Variants in RGS22 observed in about 807,000 individuals in gnomAD.
RGS22 encodes regulator of G protein signaling 22.
In RGS22, 148 loss-of-function variants were observed where a neutral mutation model predicts 172.9. The observed-to-expected ratio is 0.86, with a 90% CI of 0.75 to 0.98. RGS22 has a LOEUF of 0.98. RGS22 is among the 50% of genes least tolerant of loss of function. RGS22 has a pLI of 0.00. For synonymous variants in RGS22, 458 were observed against 480.2 expected (o/e 0.95, Z 0.60); for missense variants, 1,347 against 1,440.8 (o/e 0.93, Z 1.05).
rs138649995 is a variant in RGS22 at position 100,037,659 on chromosome 8, T to C, written c.2166+1272A>G. Among the ~76,000 whole-genome samples, 38 of 152,260 alleles carry C rather than the reference T, an allele frequency of 2.5e-4. No individual in the cohort carries two copies. In the East Asian group the frequency reaches 7.3e-3, roughly 29 times the overall value. ...GAAAATTATTAAGAAAAAAACTCAA[T>C]TGGGCAGCTGAAGATTTTTGGAGGA... On this transcript the variant is annotated intron_variant, in intron 14 of 27. Coordinates refer to ENST00000360863, the MANE Select transcript of RGS22 (RefSeq NM_015668.5).
At position 100,063,659 on chromosome 8, in the gene RGS22, A is replaced by C. The variant is rs758585403; in HGVS notation, c.1109T>G (p.Val370Gly). ...TTCTGACCTCTCCTTTGTAGTTTGAACTAATTCACTTAAAAAATTCTTGCC... is the reference window on the plus strand; with the variant it reads ...TTCTGACCTCTCCTTTGTAGTTTGACCTAATTCACTTAAAAAATTCTTGCC... ...IHGKNFLSEL[V>G]QTTKERSEEI... The change falls in exon 8 of 28, where the codon GTT (valine) becomes GGT (glycine). Residue 370 changes from valine to glycine, a missense_variant. Transcript: ENST00000360863. The C allele has an allele frequency of 9.9e-6, 16 of 1,614,008 alleles. No individual in the cohort carries two copies. Among genetic ancestry groups the C allele is most frequent in the Non-Finnish European group, 1.4e-5 (16 of 1,179,994 alleles).
At chr8:99,978,602 A>G (rs1812227034) in intron 22 of RGS22, among the ~76,000 whole-genome samples, 1 of 152,210 alleles carries the variant, frequency 6.6e-6, no homozygotes, top group Admixed American at 6.5e-5. Context: ...ATAATCTCTT[A>G]CTTTTATGTG....
intron 2 of RGS22, among the ~76,000 whole-genome samples, chr8:100,096,403 T>G (rs1379676210): frequency 6.6e-6 from 1 of 152,218 alleles, no homozygotes; most frequent in Non-Finnish European, 1.5e-5. Context: ...CAGAATTGAA[T>G]GTACTCTTGA....
At chr8:99,981,868 G>T in intron 22 of RGS22, 69 bp downstream of exon 22, 2 of 1,433,006 alleles carry the variant, frequency 1.4e-6, no homozygotes, top group South Asian at 2.8e-5. Context: ...GGCCCAAAAG[G>T]ATATCTATCT....
chr8:100,083,837 T>C (rs1211498318), intron 3 of RGS22, among the ~76,000 whole-genome samples: 8 of 150,798 alleles, frequency 5.3e-5, no homozygotes, highest in East Asian at 3.9e-4. Context: ...TTTCTTTTTT[T>C]TTTTTTTTTT....
At position 100,041,824 on chromosome 8, in the gene RGS22, T is replaced by C. The variant is rs550048664; in HGVS notation, c.1916A>G (p.Tyr639Cys). The C allele has an allele frequency of 5.0e-6, 8 of 1,609,786 alleles. No individual in the cohort carries two copies. The South Asian group carries it at 5.5e-5, about 11-fold the overall frequency. Reference protein sequence around the residue: ...ECLKPQLDRRYAYTEEPRVKT... With the variant: ...ECLKPQLDRRCAYTEEPRVKT... ...CACCCTAGGTTCTTCTGTATAAGCGTATCTTCTATCCAGCTGGGGCTTGAG... is the reference window on the plus strand; with the variant it reads ...CACCCTAGGTTCTTCTGTATAAGCGCATCTTCTATCCAGCTGGGGCTTGAG... The change falls in exon 12 of 28, where the codon TAC (tyrosine) becomes TGC (cysteine). Residue 639 changes from tyrosine to cysteine, a missense_variant. Tyr to Cys is a radical substitution (Grantham distance 194). Transcript: ENST00000360863.
intron 18 of RGS22, among the ~76,000 whole-genome samples, chr8:100,001,236 A>ATT (rs11299479): frequency 3.9e-5 from 5 of 128,674 alleles, no homozygotes; most frequent in African/African-American, 1.4e-4. Context: ...ATATATATAC[A>ATT]TTTTTTTTTT....
chr8:100,018,159 T>G (rs3101327), intron 14 of RGS22, among the ~76,000 whole-genome samples: 3,850 of 151,224 alleles, frequency 0.025, 140 homozygotes, highest in East Asian at 0.11. Context: ...TGTGCTGCTT[T>G]CCCCGCACCT....
In RGS22 at chr8:100,040,037, A is replaced by G. The variant is rs576232235; in HGVS notation, c.1989T>C (p.Asn663=). Reference sequence around the variant, plus strand: ...TTTCTACATACAAAGATTGCAACAAATTTTCCATGTCAGATCCTCCCAAGG... The same window carrying G: ...TTTCTACATACAAAGATTGCAACAAGTTTTCCATGTCAGATCCTCCCAAGG... The part of the protein sequence containing the change: ...VGALGGSDME[N]LLQSLYVENR... The change falls in exon 13 of 28, where the codon AAT becomes AAC. Residue 663 remains asparagine, a synonymous_variant. Coordinates refer to ENST00000360863, the MANE Select transcript of RGS22 (RefSeq NM_015668.5). 2 of 1,609,780 alleles carry G rather than the reference A, an allele frequency of 1.2e-6. No homozygotes were observed. Among genetic ancestry groups the G allele is most frequent in the South Asian group, 2.2e-5 (2 of 90,174 alleles).
rs761451837 is a variant in RGS22 at position 100,040,063 on chromosome 8, C to T, written c.1963G>A (p.Ala655Thr). 16 of 1,609,814 alleles carry T rather than the reference C, an allele frequency of 9.9e-6. No homozygotes were observed. The highest frequency in any genetic ancestry group is 6.7e-5 in the East Asian group (3 of 44,508). ...PRVKTVSDVG[A>T]LGGSDMENLL... ...TTTTCCATGTCAGATCCTCCCAAGGCACCAACATCTGACACGGTTTTAACC... is the reference window on the plus strand; with the variant it reads ...TTTTCCATGTCAGATCCTCCCAAGGTACCAACATCTGACACGGTTTTAACC... The change falls in exon 13 of 28, where the codon GCC (alanine) becomes ACC (threonine). Residue 655 changes from alanine to threonine, a missense_variant. Ala to Thr is a moderately conservative substitution (Grantham distance 58). Transcript: ENST00000360863.
chr8:100,103,248 G>C (rs1356426983), intron 2 of RGS22, among the ~76,000 whole-genome samples: 5 of 152,170 alleles, frequency 3.3e-5, no homozygotes, highest in Non-Finnish European at 5.9e-5. Context: ...AGAAAAACTG[G>C]AGTTGGCAGA....
chr8:99,971,848 C>A (rs1201798703), intron 23 of RGS22, among the ~76,000 whole-genome samples: 1 of 152,120 alleles, frequency 6.6e-6, no homozygotes, highest in African/African-American at 2.4e-5. Context: ...AGATTCAATT[C>A]TATTCCCATC....
At position 99,981,961 on chromosome 8, in the gene RGS22, T is replaced by C. The variant is rs1385538982; in HGVS notation, c.3336A>G (p.Gly1112=). 3.7e-6 allele frequency: 6 copies of C among 1,613,696 alleles called. No homozygotes were observed. Among genetic ancestry groups the C allele is most frequent in the Non-Finnish European group, 5.1e-6 (6 of 1,179,788 alleles). ...QKIIEHRKEL[G]PYVFREAQMT... ...CCTGTGCCTCTCTAAATACATATGG[T>C]CCTAACTCCTTCCGGTGTTCAATAA... is the stretch of plus-strand genomic sequence containing the variant. Residue 1112 remains glycine, a synonymous_variant, in exon 22 of 28, where the codon GGA becomes GGG. Transcript: ENST00000360863.
At chr8:100,098,845 A>AT (rs1208993621) in intron 2 of RGS22, among the ~76,000 whole-genome samples, 442 of 19,740 alleles carry the variant, frequency 0.022, 17 homozygotes, top group African/African-American at 0.17. Flanking sequence ...TTATTTTTTT[A>AT]TTTATTTTAT....
At position 100,049,058 on chromosome 8, in the gene RGS22, G is replaced by C. The variant is rs369623407; in HGVS notation, c.1690-1462C>G. On this transcript the variant is annotated intron_variant, in intron 10 of 27. Coordinates refer to ENST00000360863, the MANE Select transcript of RGS22 (RefSeq NM_015668.5). ...ATCATGTAGACAAAGGCCTATATTAGACTTTTTGAGCTTGCTGGCTTAGGT... is the reference window on the plus strand; with the variant it reads ...ATCATGTAGACAAAGGCCTATATTACACTTTTTGAGCTTGCTGGCTTAGGT... Among the ~76,000 whole-genome samples, 76 of 152,202 alleles carry C rather than the reference G, an allele frequency of 5.0e-4. 2 individuals carry two copies. The South Asian group carries it at 0.015, about 30-fold the overall frequency.
intron 14 of RGS22, among the ~76,000 whole-genome samples, chr8:100,009,652 A>C (rs1384384337): frequency 6.6e-6 from 1 of 152,200 alleles, no homozygotes; most frequent in Non-Finnish European, 1.5e-5. Context: ...GTTAACTTAT[A>C]CTTTATTTCA....
In RGS22 at chr8:99,961,133, C is replaced by T; in HGVS notation, c.*109G>A. The T allele has an allele frequency of 2.2e-6, 1 of 448,056 alleles. No individual in the cohort carries two copies. The highest frequency in any genetic ancestry group is 2.4e-5 in the Admixed American group (1 of 41,136). The allele number at this position is 448,056 out of a possible 1,614,324, so 27.8% of individuals were successfully genotyped here. On this transcript the variant is annotated 3_prime_UTR_variant, in exon 28 of 28. Coordinates refer to ENST00000360863, the MANE Select transcript of RGS22 (RefSeq NM_015668.5). ...TTTAGATGTTAGGCTTGCTCTGATA[C>T]AGACCTTCAAAAAAACAAATCACTG... is the stretch of plus-strand genomic sequence containing the variant.
At position 99,961,115 on chromosome 8, in the gene RGS22, G is replaced by A. The variant is rs1430759719; in HGVS notation, c.*127C>T. On this transcript the variant is annotated 3_prime_UTR_variant, in exon 28 of 28. Coordinates refer to ENST00000360863, the MANE Select transcript of RGS22 (RefSeq NM_015668.5). ...ATCCAGAATCAAACTTTATTTAGAT[G>A]TTAGGCTTGCTCTGATACAGACCTT... 1 of 415,198 alleles carries A rather than the reference G, an allele frequency of 2.4e-6. No individual in the cohort carries two copies. The highest frequency in any genetic ancestry group is 4.7e-6 in the Non-Finnish European group (1 of 212,292). 25.7% of individuals were successfully genotyped at this position (415,198 alleles called of 1,614,324 possible). A position where few individuals can be genotyped will look rare whatever the true frequency, so the allele number is the denominator to read the frequency against.
intron 23 of RGS22, among the ~76,000 whole-genome samples, chr8:99,970,126 A>G (rs776595129): frequency 3.3e-5 from 5 of 152,202 alleles, no homozygotes; most frequent in Non-Finnish European, 7.3e-5. Flanking sequence ...CTGCTCCTGA[A>G]TGACTATTGG....
Sources: gnomAD v4.1 joint callset for allele counts (sites outside exome capture counted in the v4.1 genomes callset) on GRCh38, gnomAD v4.1.1 for gene constraint, MANE v1.5 for transcripts, NCBI Gene and HGNC (gene_info 2026-07-23, HGNC 2026-07-21) for gene names.